Variants in RTN4IP1 observed in about 807,000 individuals in gnomAD.
The protein encoded by RTN4IP1 is reticulon 4 interacting protein 1, also known as NAD(P)H oxidoreductase RTN4IP1, mitochondrial.
RTN4IP1 carries 32 observed loss-of-function variants against 46.6 expected under a neutral mutation model. The ratio of observed to expected loss-of-function variants is 0.69; its 90% CI spans 0.52 to 0.92. The LOEUF (loss-of-function observed/expected upper bound fraction) is 0.92, where lower values mean the gene tolerates loss of function less well. Among genes scored for constraint, RTN4IP1 ranks in the 40% least tolerant of loss-of-function variants. RTN4IP1 has a pLI of 0.00. For synonymous variants in RTN4IP1, 167 were observed against 161.8 expected, an observed-to-expected ratio of 1.03 and a Z score of -0.24; for missense variants, 424 against 485.8, an observed-to-expected ratio of 0.87 and a Z score of 1.20.
At chr6:106,604,585 T>C (rs969408972) in intron 4 of RTN4IP1, among the ~76,000 whole-genome samples, 3 of 152,054 alleles carry the variant, frequency 2.0e-5, no homozygotes, top group Non-Finnish European at 2.9e-5. Context: ...GGAATGCTAT[T>C]TTCTTGGGCC....
intron 6 of RTN4IP1, among the ~76,000 whole-genome samples, chr6:106,590,484 A>G (rs1432262542): frequency 6.6e-6 from 1 of 151,980 alleles, no homozygotes; most frequent in African/African-American, 2.4e-5. Context: ...TGCAAGGCCG[A>G]GACAGGTGGA....
chr6:106,612,384 CAAAAAA>C (rs1180927898), intron 4 of RTN4IP1, among the ~76,000 whole-genome samples: 2 of 18,908 alleles, frequency 1.1e-4, no homozygotes, highest in African/African-American at 2.1e-4. Context: ...AAGACTCCGT[CAAAAAA>C]AAAAAAAAAA....
rs762291141 is a variant in RTN4IP1 at position 106,619,324 on chromosome 6, G to A, written c.498C>T (p.Val166=). ...SEFVVVSGNE[V]SHKPKSLTHT... ...GAGTGAGTGATTTGGGTTTGTGAGA[G>A]ACCTACATTTGAAGACAACAGTCAA... Residue 166 remains valine, a splice_region_variant and synonymous_variant, in exon 4 of 9, where the codon GTC becomes GTT. Transcript: ENST00000369063. 2 of 1,614,000 alleles carry A rather than the reference G, an allele frequency of 1.2e-6. No homozygotes were observed. Among genetic ancestry groups the A allele is most frequent in the Non-Finnish European group, 1.7e-6 (2 of 1,179,984 alleles).
intron 7 of RTN4IP1, among the ~76,000 whole-genome samples, chr6:106,586,489 A>G (rs1775487565): frequency 6.6e-6 from 1 of 151,900 alleles, no homozygotes; most frequent in Non-Finnish European, 1.5e-5. Context: ...CTCTGGCCTC[A>G]GCCTCCTGAG....
At chr6:106,624,496 T>C (rs1776581361) in intron 1 of RTN4IP1, among the ~76,000 whole-genome samples, 1 of 151,712 alleles carries the variant, frequency 6.6e-6, no homozygotes, top group Non-Finnish European at 1.5e-5. Context: ...ATTACAGGTG[T>C]GCGCCACGTC....
intron 8 of RTN4IP1, among the ~76,000 whole-genome samples, chr6:106,580,173 C>T (rs1361620592): frequency 6.9e-6 from 1 of 144,920 alleles, no homozygotes; most frequent in Non-Finnish European, 1.5e-5. Context: ...GAGATCGCGC[C>T]ACTGCACTCC....
chr6:106,624,935 C>CA (rs1329840633), intron 1 of RTN4IP1, among the ~76,000 whole-genome samples: 3,336 of 47,794 alleles, frequency 0.07, 113 homozygotes, highest in African/African-American at 0.14. Context: ...AGCTCTGTCT[C>CA]AAAAAAAAAA....
intron 4 of RTN4IP1, among the ~76,000 whole-genome samples, chr6:106,614,204 T>C (rs1776295308): frequency 6.6e-6 from 1 of 152,228 alleles, no homozygotes; most frequent in African/African-American, 2.4e-5. Flanking sequence ...TTGGAAGACA[T>C]TGTTCCAAAT....
At chr6:106,576,609 A>T (rs771821686) in intron 8 of RTN4IP1, among the ~76,000 whole-genome samples, 1 of 152,200 alleles carries the variant, frequency 6.6e-6, no homozygotes, top group Non-Finnish European at 1.5e-5. Context: ...CCAGCTATTC[A>T]AGACGGACCT....
intron 6 of RTN4IP1, among the ~76,000 whole-genome samples, chr6:106,588,250 C>T (rs566286232): frequency 2.0e-5 from 3 of 152,262 alleles, no homozygotes; most frequent in Admixed American, 6.5e-5. Context: ...ACTAAGGTTG[C>T]CAAGGTTGAG....
intron 6 of RTN4IP1, among the ~76,000 whole-genome samples, chr6:106,591,032 G>A (rs1242890601): frequency 6.6e-6 from 1 of 152,172 alleles, no homozygotes; most frequent in Non-Finnish European, 1.5e-5. Context: ...CAGCTGGAGG[G>A]ATACAGCAGG....
At chr6:106,577,069 G>A (rs9486419) in intron 8 of RTN4IP1, among the ~76,000 whole-genome samples, 8,212 of 152,202 alleles carry the variant, frequency 0.054, 319 homozygotes, top group South Asian at 0.1. Context: ...ATATACCTGT[G>A]AACATTAAGC....
intron 6 of RTN4IP1, among the ~76,000 whole-genome samples, chr6:106,588,687 CA>C (rs1377447611): frequency 4.6e-5 from 7 of 152,302 alleles, no homozygotes; most frequent in African/African-American, 1.7e-4. Context: ...ATAAACTGAG[CA>C]AATCAGTTGA....
chr6:106,577,121 A>G (rs1775248031), intron 8 of RTN4IP1, among the ~76,000 whole-genome samples: 1 of 152,154 alleles, frequency 6.6e-6, no homozygotes, highest in Admixed American at 6.5e-5. Context: ...AAGAATATAC[A>G]TGTATCAATA....
intron 6 of RTN4IP1, among the ~76,000 whole-genome samples, chr6:106,590,955 T>A (rs1206120962): frequency 1.3e-5 from 2 of 151,988 alleles, no homozygotes; most frequent in Admixed American, 1.3e-4. Context: ...GAACAATTGT[T>A]CTCCTAGATT....
chr6:106,586,036 A>G (rs11751653), intron 7 of RTN4IP1, among the ~76,000 whole-genome samples: 21,495 of 152,120 alleles, frequency 0.14, 1,747 homozygotes, highest in African/African-American at 0.21. Flanking sequence ...GAAAATAAAG[A>G]ACACCACAGT....
At position 106,602,883 on chromosome 6, in the gene RTN4IP1, A is replaced by G. The variant is rs1479551394; in HGVS notation, c.660T>C (p.Phe220=). The part of the protein sequence containing the change: ...ILGASGGVGT[F]AIQVMKAWDA... The stretch of plus-strand genomic sequence containing the variant: ...TAAAAAATGGTTTTACCTGTATAGC[A>G]AAAGTACCAACTCCGCCTGAAGCGC... The change falls in exon 5 of 9, where the codon TTT becomes TTC. Residue 220 remains phenylalanine, a synonymous_variant. Coordinates refer to ENST00000369063, the MANE Select transcript of RTN4IP1 (RefSeq NM_032730.5). The G allele has an allele frequency of 6.2e-7, 1 of 1,602,338 alleles. No homozygotes were observed. The highest frequency in any genetic ancestry group is 8.5e-7 in the Non-Finnish European group (1 of 1,175,872).
intron 4 of RTN4IP1, among the ~76,000 whole-genome samples, chr6:106,616,916 G>A (rs1447300346): frequency 3.9e-5 from 6 of 152,150 alleles, no homozygotes; most frequent in Non-Finnish European, 4.4e-5. Flanking sequence ...ACCAAAATTC[G>A]TATGTTGAAA....
intron 8 of RTN4IP1, among the ~76,000 whole-genome samples, chr6:106,580,564 CA>C (rs201219841): frequency 6.6e-6 from 1 of 151,668 alleles, no homozygotes. Context: ...ACTAAAAATA[CA>C]AAAATTAGCC....
Sources: allele counts gnomAD v4.1 joint callset (sites outside exome capture counted in the v4.1 genomes callset), GRCh38; gene constraint gnomAD v4.1.1; transcripts MANE v1.5; gene names NCBI Gene and HGNC (gene_info 2026-07-23, HGNC 2026-07-21).